The following SEC23IP variants were observed in gnomAD, a reference collection of about 807,000 sequenced individuals.
The protein encoded by SEC23IP is SEC23 interacting protein.
Under a neutral mutation model 113.4 loss-of-function variants are expected in SEC23IP, and 70 were observed. That is an observed-to-expected ratio of 0.62 (90% CI 0.51 to 0.75). SEC23IP has a LOEUF of 0.75. Ranked by LOEUF, SEC23IP falls within the 30% of genes least tolerant of loss-of-function variation. The pLI, the probability that SEC23IP is intolerant of heterozygous loss-of-function variation, is 0.00. For synonymous variants in SEC23IP, 398 were observed against 421.0 expected (o/e 0.95, Z 0.67); for missense variants, 1,160 against 1,204.9 (o/e 0.96, Z 0.55).
chr10:119,934,461 G>C (rs1050262920), intron 18 of SEC23IP, among the ~76,000 whole-genome samples: 1 of 152,228 alleles, frequency 6.6e-6, no homozygotes, highest in African/African-American at 2.4e-5. Flanking sequence ...GAATAGAGAA[G>C]GAGGTTAAGT....
At chr10:119,919,373 T>G (rs1855164451) in intron 10 of SEC23IP, 71 bp from the exon 11 acceptor site, 32 of 1,362,072 alleles carry the variant, frequency 2.3e-5, no homozygotes, top group Non-Finnish European at 3.2e-5. Context: ...TTGAGAGTTT[T>G]CGTAGATCAG....
At chr10:119,930,779 G>A (rs1209634923) in intron 15 of SEC23IP, among the ~76,000 whole-genome samples, 1 of 152,216 alleles carries the variant, frequency 6.6e-6, no homozygotes, top group Non-Finnish European at 1.5e-5. Flanking sequence ...TAAACTTGAT[G>A]TTGTCGAAGT....
chr10:119,905,874 A>G (rs1854645258), intron 4 of SEC23IP, among the ~76,000 whole-genome samples: 1 of 152,250 alleles, frequency 6.6e-6, no homozygotes, highest in Admixed American at 6.5e-5. Context: ...ATGTATTTAT[A>G]ACAGAGAGAC....
At chr10:119,921,400 C>T (rs1855246621) in intron 12 of SEC23IP, among the ~76,000 whole-genome samples, 1 of 152,166 alleles carries the variant, frequency 6.6e-6, no homozygotes, top group African/African-American at 2.4e-5. Context: ...GTCTCAAACT[C>T]CTGGGCTCAA....
chr10:119,925,092 G>T (rs1366167756), intron 12 of SEC23IP, among the ~76,000 whole-genome samples: 1 of 152,158 alleles, frequency 6.6e-6, no homozygotes, highest in Admixed American at 6.5e-5. Context: ...GATCTTCAGT[G>T]TGCAGTAGGG....
At chr10:119,910,990 T>C (rs953645380) in intron 5 of SEC23IP, among the ~76,000 whole-genome samples, 9 of 147,716 alleles carry the variant, frequency 6.1e-5, no homozygotes, top group Non-Finnish European at 1.1e-4. Flanking sequence ...TGGCTAACCT[T>C]TTTTTTTTTT....
chr10:119,929,189 G>C (rs900555041), intron 13 of SEC23IP, among the ~76,000 whole-genome samples: 1 of 152,170 alleles, frequency 6.6e-6, no homozygotes, highest in Non-Finnish European at 1.5e-5. Context: ...AGTATAGCCA[G>C]AGGATATAAT....
chr10:119,904,489 GAC>G (rs1234645411), intron 4 of SEC23IP: 1 of 537,974 alleles, frequency 1.9e-6, no homozygotes, highest in Non-Finnish European at 3.3e-6. Context: ...GATTTGCAGA[GAC>G]ACATCACAGA....
intron 5 of SEC23IP, among the ~76,000 whole-genome samples, chr10:119,909,731 C>T (rs920017495): frequency 2.0e-5 from 3 of 151,714 alleles, no homozygotes; most frequent in Non-Finnish European, 4.4e-5. Context: ...TCTGTCTCTA[C>T]AAAAATTAAA....
At chr10:119,918,590 C>A in intron 10 of SEC23IP, 79 bp downstream of exon 10, 2 of 828,158 alleles carry the variant, frequency 2.4e-6, no homozygotes, top group South Asian at 3.1e-5. Flanking sequence ...TGAACTGTTT[C>A]TTGAAACTTT....
chr10:119,906,152 C>T (rs982681120), intron 4 of SEC23IP, among the ~76,000 whole-genome samples: 1 of 151,778 alleles, frequency 6.6e-6, no homozygotes, highest in Non-Finnish European at 1.5e-5. Flanking sequence ...CATGGTGGCC[C>T]ATGCCTGTGG....
intron 2 of SEC23IP, among the ~76,000 whole-genome samples, chr10:119,900,270 C>CGT (rs1554911786): frequency 6.8e-6 from 1 of 146,172 alleles, no homozygotes; most frequent in South Asian, 2.4e-4. Context: ...TGTATATGTA[C>CGT]GTGTGTGTGT....
In SEC23IP at chr10:119,943,376, T is replaced by C. The variant is rs1205840781; in HGVS notation, c.*2811T>C. ...GCACGGGACAGACTGTCAGCTAACC[T>C]GTCTTCATGACATTTCTATAATACT... On this transcript the variant is annotated 3_prime_UTR_variant, in exon 19 of 19. Transcript: ENST00000369075. The C allele has an allele frequency of 6.6e-6, 1 of 152,198 alleles. No individual in the cohort carries two copies. The highest frequency in any genetic ancestry group is 2.1e-4 in the South Asian group (1 of 4,824). 9.4% of individuals were successfully genotyped at this position (152,198 alleles called of 1,614,324 possible).
At position 119,905,798 on chromosome 10, in the gene SEC23IP, A is replaced by C. The variant is rs528631406; in HGVS notation, c.1101+1521A>C. On this transcript the variant is annotated intron_variant, in intron 4 of 18. Coordinates refer to ENST00000369075, the MANE Select transcript of SEC23IP (RefSeq NM_007190.4). ...GCAAGTCCGTGTATATAAAATTAACATACGTAAATTAGTAACATTCCTGTG... is the reference window on the plus strand; with the variant it reads ...GCAAGTCCGTGTATATAAAATTAACCTACGTAAATTAGTAACATTCCTGTG... 1.9e-4 allele frequency among the ~76,000 whole-genome samples: 29 copies of C among 152,334 alleles called. No individual in the cohort carries two copies. In the South Asian group the frequency reaches 5.6e-3, roughly 29 times the overall value.
intron 4 of SEC23IP, among the ~76,000 whole-genome samples, chr10:119,907,888 G>A (rs1455712090): frequency 1.3e-5 from 2 of 152,200 alleles, no homozygotes; most frequent in Non-Finnish European, 2.9e-5. Context: ...GGAGGCGGAG[G>A]TTGCGGTGAG....
intron 5 of SEC23IP, among the ~76,000 whole-genome samples, chr10:119,909,663 A>C (rs1477258930): frequency 1.3e-5 from 2 of 152,134 alleles, no homozygotes; most frequent in Non-Finnish European, 2.9e-5. Flanking sequence ...TTGGGAAGCC[A>C]AAGTGGGAAG....
chr10:119,933,485 T>C (rs1855674371), intron 17 of SEC23IP, among the ~76,000 whole-genome samples: 1 of 152,226 alleles, frequency 6.6e-6, no homozygotes, highest in African/African-American at 2.4e-5. Context: ...ACAGCTATTT[T>C]GGAGCTAATC....
intron 12 of SEC23IP, among the ~76,000 whole-genome samples, chr10:119,925,511 C>A (rs1053210794): frequency 6.6e-6 from 1 of 152,034 alleles, no homozygotes; most frequent in Non-Finnish European, 1.5e-5. Flanking sequence ...ATTTAGTATG[C>A]ATTTCTAAAA....
chr10:119,936,123 T>G (rs111555173), intron 18 of SEC23IP, among the ~76,000 whole-genome samples: 209 of 152,322 alleles, frequency 1.4e-3, no homozygotes, highest in Non-Finnish European at 2.0e-3. Flanking sequence ...TTTACCCCAT[T>G]GTTGGGTGTT....
Sources: gnomAD v4.1 joint callset for allele counts (sites outside exome capture counted in the v4.1 genomes callset) on GRCh38, gnomAD v4.1.1 for gene constraint, MANE v1.5 for transcripts, NCBI Gene and HGNC (gene_info 2026-07-23, HGNC 2026-07-21) for gene names.